SPECC1L: variants seen among roughly 807,000 people sequenced by gnomAD.
SPECC1L encodes cytospin-A.
SPECC1L carries 40 observed loss-of-function variants against 116.8 expected under a neutral mutation model. The observed-to-expected ratio is 0.34, with a 90% CI of 0.27 to 0.45. The LOEUF (loss-of-function observed/expected upper bound fraction) is 0.45, where lower values mean the gene tolerates loss of function less well. Ranked by LOEUF, SPECC1L falls within the 20% of genes least tolerant of loss-of-function variation. SPECC1L has a pLI of 1.00. For synonymous variants in SPECC1L, 504 were observed against 500.6 expected, an observed-to-expected ratio of 1.01 and a Z score of -0.09; for missense variants, 1,110 against 1,373.6, an observed-to-expected ratio of 0.81 and a Z score of 3.03.
At chr22:24,318,277 G>A (rs938619810) in intron 4 of SPECC1L, among the ~76,000 whole-genome samples, 4 of 152,356 alleles carry the variant, frequency 2.6e-5, no homozygotes, top group Admixed American at 6.5e-5. Flanking sequence ...CCGGCACCTC[G>A]GGAGGCCGAG....
At chr22:24,410,043 G>T (rs2042663935) in intron 14 of SPECC1L, among the ~76,000 whole-genome samples, 1 of 152,224 alleles carries the variant, frequency 6.6e-6, no homozygotes, top group Non-Finnish European at 1.5e-5. Flanking sequence ...AGTTGAGGTG[G>T]TTCACCAAGA....
intron 14 of SPECC1L, among the ~76,000 whole-genome samples, chr22:24,373,083 T>C (rs1348996289): frequency 6.6e-6 from 1 of 152,120 alleles, no homozygotes; most frequent in Non-Finnish European, 1.5e-5. Flanking sequence ...ATGAAGGACC[T>C]CTTCAAGGAG....
At chr22:24,340,663 CTA>C (rs2041159281) in intron 10 of SPECC1L, among the ~76,000 whole-genome samples, 1 of 152,114 alleles carries the variant, frequency 6.6e-6, no homozygotes, top group African/African-American at 2.4e-5. Context: ...TTGCAAAAAA[CTA>C]ATACTTATGA....
chr22:24,282,461 G>A (rs1347103567), intron 2 of SPECC1L, among the ~76,000 whole-genome samples: 1 of 152,206 alleles, frequency 6.6e-6, no homozygotes, highest in Non-Finnish European at 1.5e-5. Context: ...GATGGAGTCA[G>A]TTAAGTTAGA....
At chr22:24,352,928 G>C (rs1261139441) in intron 11 of SPECC1L, among the ~76,000 whole-genome samples, 1 of 152,160 alleles carries the variant, frequency 6.6e-6, no homozygotes, top group Non-Finnish European at 1.5e-5. Context: ...TTACAGCCTA[G>C]ATTCTGTGGC....
intron 10 of SPECC1L, among the ~76,000 whole-genome samples, chr22:24,338,926 A>G (rs1175392882): frequency 6.6e-6 from 1 of 152,222 alleles, no homozygotes; most frequent in Non-Finnish European, 1.5e-5. Context: ...TAGTCACTAC[A>G]CTAAGACACA....
chr22:24,356,142 T>C (rs2041528419), intron 11 of SPECC1L, among the ~76,000 whole-genome samples: 1 of 152,190 alleles, frequency 6.6e-6, no homozygotes, highest in Non-Finnish European at 1.5e-5. Context: ...GTTTTTATTT[T>C]GCTGTTATTG....
At chr22:24,353,912 G>A (rs2041475332) in intron 11 of SPECC1L, among the ~76,000 whole-genome samples, 1 of 152,266 alleles carries the variant, frequency 6.6e-6, no homozygotes, top group Admixed American at 6.5e-5. Context: ...AATACATTAG[G>A]CTGGGTAATT....
intron 2 of SPECC1L, among the ~76,000 whole-genome samples, chr22:24,280,422 G>A (rs532633623): frequency 3.3e-5 from 5 of 151,438 alleles, no homozygotes; most frequent in East Asian, 1.9e-4. Context: ...TAATAAATTA[G>A]GGATTGACAG....
intron 10 of SPECC1L, among the ~76,000 whole-genome samples, chr22:24,345,993 ATTCT>A (rs990030703): frequency 6.7e-6 from 1 of 150,072 alleles, no homozygotes; most frequent in Non-Finnish European, 1.5e-5. Context: ...TTCATGGTGG[ATTCT>A]TTCTGTTTTT....
intron 10 of SPECC1L, chr22:24,343,497 G>A (rs1235019353): frequency 2.2e-6 from 1 of 445,022 alleles, no homozygotes; most frequent in South Asian, 1.6e-5. Context: ...GTCTAGTTCT[G>A]TCGCCCACGC....
At chr22:24,346,457 C>T (rs1366660897) in intron 10 of SPECC1L, among the ~76,000 whole-genome samples, 2 of 152,156 alleles carry the variant, frequency 1.3e-5, no homozygotes, top group African/African-American at 2.4e-5. Context: ...TTTATTTGAA[C>T]CAGGACTTGA....
intron 2 of SPECC1L, among the ~76,000 whole-genome samples, chr22:24,296,482 G>A (rs372727794): frequency 0.022 from 3,292 of 150,678 alleles, 37 homozygotes; most frequent in South Asian, 0.1. Flanking sequence ...TTTATGAGGA[G>A]AGCTACTTTT....
rs1033598576 is a variant in SPECC1L at position 24,414,830 on chromosome 22, G to A, written c.*207G>A. The A allele has an allele frequency of 4.4e-5, 26 of 591,844 alleles. No homozygotes were observed. The highest frequency in any genetic ancestry group is 6.7e-5 in the Non-Finnish European group (22 of 327,322). 36.7% of individuals were successfully genotyped at this position (591,844 alleles called of 1,614,324 possible). On this transcript the variant is annotated 3_prime_UTR_variant, in exon 17 of 17. Transcript: ENST00000314328. ...CACCAGGGCCCCTCCCACATGACCCGTCCATTCAGGTCATGTGGGCTCAGC... is the reference window on the plus strand; with the variant it reads ...CACCAGGGCCCCTCCCACATGACCCATCCATTCAGGTCATGTGGGCTCAGC...
chr22:24,310,378 G>T lies in SPECC1L; in HGVS notation c.154-2935G>T, dbSNP rs547477633. On this transcript the variant is annotated intron_variant, in intron 3 of 16. Coordinates refer to ENST00000314328, the MANE Select transcript of SPECC1L (RefSeq NM_015330.6). ...GGTGTATCTTCAGGTTAAATTCCTA[G>T]AAGTGAAGTTGCTGGAGAGAAGGTA... Among the ~76,000 whole-genome samples the T allele has an allele frequency of 3.8e-4, 58 of 152,324 alleles. 3 individuals carry two copies. In the South Asian group the frequency reaches 0.012, roughly 30 times the overall value.
chr22:24,347,929 A>C (rs568272001), intron 11 of SPECC1L, among the ~76,000 whole-genome samples: 12 of 151,940 alleles, frequency 7.9e-5, no homozygotes, highest in African/African-American at 2.2e-4. Context: ...GCCCACCTCA[A>C]CCTCCCTAAG....
intron 1 of SPECC1L, among the ~76,000 whole-genome samples, chr22:24,272,135 C>G (rs1390273133): frequency 2.0e-5 from 3 of 152,206 alleles, no homozygotes; most frequent in African/African-American, 4.8e-5. Context: ...AATCCCAGCA[C>G]TTTGGGAGGC....
intron 3 of SPECC1L, among the ~76,000 whole-genome samples, chr22:24,302,608 C>T (rs2049403724): frequency 2.6e-5 from 4 of 152,116 alleles, no homozygotes; most frequent in Non-Finnish European, 5.9e-5. Flanking sequence ...AATAATTGAG[C>T]ACCTGCCTTG....
chr22:24,277,184 A>G (rs2048853400), intron 2 of SPECC1L, among the ~76,000 whole-genome samples: 2 of 152,020 alleles, frequency 1.3e-5, no homozygotes, highest in African/African-American at 4.8e-5. Flanking sequence ...TCCATCTCCC[A>G]ACTCATGGCC....
Sources: gnomAD v4.1 joint callset for allele counts (sites outside exome capture counted in the v4.1 genomes callset) on GRCh38, gnomAD v4.1.1 for gene constraint, MANE v1.5 for transcripts, NCBI Gene and HGNC (gene_info 2026-07-23, HGNC 2026-07-21) for gene names.